The following CIB1 variants were observed in gnomAD, a reference collection of about 807,000 sequenced individuals.
The protein encoded by CIB1 is calcium and integrin-binding protein 1.
In CIB1, 19 loss-of-function variants were observed where a neutral mutation model predicts 25.0. That is an observed-to-expected ratio of 0.76 (90% CI 0.53 to 1.12). The LOEUF (loss-of-function observed/expected upper bound fraction) is 1.12. CIB1 is among the 50% of genes most tolerant of loss of function. The pLI, the probability that CIB1 is intolerant of heterozygous loss-of-function variation, is 0.00. For synonymous variants in CIB1, 104 were observed against 98.5 expected (o/e 1.06, Z -0.33); for missense variants, 236 against 242.6 (o/e 0.97, Z 0.18).
the CIB1 span, chr15:90,241,629 G>A: frequency 1.2e-6 from 2 of 1,614,156 alleles, no homozygotes; most frequent in East Asian, 2.2e-5. Flanking sequence ...CCTGGACCCT[G>A]GAGGCCATTT....
the CIB1 span, chr15:90,262,272 G>A: frequency 5.8e-6 from 8 of 1,369,174 alleles, no homozygotes; most frequent in East Asian, 5.1e-5. Context: ...AGGGAAAGAG[G>A]AAGCCAGACA....
the CIB1 span, chr15:90,263,219 A>C: frequency 4.3e-4 from 561 of 1,313,418 alleles, no homozygotes; most frequent in Non-Finnish European, 5.2e-4. Context: ...TGTTGGTCTC[A>C]ACAAAGGAGG....
the CIB1 span, chr15:90,262,997 C>A: frequency 6.5e-7 from 1 of 1,536,012 alleles, no homozygotes; most frequent in Non-Finnish European, 8.7e-7. Flanking sequence ...ACCATGAGGC[C>A]TCAAGAAATT....
chr15:90,265,454 T>A, the CIB1 span: 1 of 1,336,654 alleles, frequency 7.5e-7, no homozygotes, highest in Non-Finnish European at 9.6e-7. Context: ...AATCCGTACT[T>A]TAATTAAAGT....
intron 2 of CIB1, 43 bp from the exon 3 acceptor site, chr15:90,232,370 C>A: frequency 6.4e-7 from 1 of 1,566,066 alleles, no homozygotes; most frequent in South Asian, 1.2e-5. Flanking sequence ...AGCGATCGGT[C>A]TCCCTGTGTG....
the CIB1 span, chr15:90,241,240 C>A: frequency 6.2e-7 from 1 of 1,614,158 alleles, no homozygotes; most frequent in Non-Finnish European, 8.5e-7. Context: ...CCCCCGCAGA[C>A]CATCAAGAGT....
At chr15:90,255,858 TC>T in the CIB1 span, 2 of 1,614,084 alleles carry the variant, frequency 1.2e-6, no homozygotes, top group Non-Finnish European at 1.7e-6. Flanking sequence ...TACAACATCT[TC>T]CCCCGCACCT....
the CIB1 span, chr15:90,256,270 T>C: frequency 6.2e-7 from 1 of 1,614,160 alleles, no homozygotes; most frequent in Non-Finnish European, 8.5e-7. Flanking sequence ...CAGGAGAGCA[T>C]ATGATCTGCC....
the CIB1 span, chr15:90,256,144 T>C: frequency 3.3e-5 from 54 of 1,614,168 alleles, no homozygotes; most frequent in South Asian, 5.8e-4. Context: ...CACATAGCTA[T>C]GGGGACTTCC....
At chr15:90,240,351 T>C in the CIB1 span, among the ~76,000 whole-genome samples, 4 of 147,126 alleles carry the variant, frequency 2.7e-5, no homozygotes, top group Non-Finnish European at 6.0e-5. Context: ...CTACTAAAAA[T>C]ACAAAAATTA....
chr15:90,235,581 T>G (rs1216567487), upstream of CIB1, among the ~76,000 whole-genome samples: 3 of 152,102 alleles, frequency 2.0e-5, no homozygotes, highest in African/African-American at 7.2e-5. Flanking sequence ...TTTCTCTTTT[T>G]TTTTGAGACA....
the CIB1 span, among the ~76,000 whole-genome samples, chr15:90,239,635 C>G: frequency 6.6e-6 from 1 of 152,308 alleles, no homozygotes; most frequent in African/African-American, 2.4e-5. Flanking sequence ...CACCGGGCCC[C>G]TCCCACAACA....
At chr15:90,240,778 C>T in the CIB1 span, 1 of 650,626 alleles carries the variant, frequency 1.5e-6, no homozygotes, top group East Asian at 2.8e-5. Context: ...ACTGCCACTG[C>T]ACTCCAGCCT....
the CIB1 span, among the ~76,000 whole-genome samples, chr15:90,247,285 T>G: frequency 6.7e-6 from 1 of 149,650 alleles, no homozygotes; most frequent in Non-Finnish European, 1.5e-5. Context: ...TTTTTTCTTT[T>G]CTTTTCTTTT....
the CIB1 span, chr15:90,263,476 T>A: frequency 2.0e-6 from 1 of 494,964 alleles, no homozygotes; most frequent in Non-Finnish European, 3.6e-6. Context: ...GGCTTCTGTA[T>A]AATTTTCTCC....
the CIB1 span, chr15:90,262,241 G>A: frequency 2.1e-6 from 3 of 1,454,362 alleles, no homozygotes; most frequent in Non-Finnish European, 1.8e-6. Context: ...GACAAGTCCT[G>A]AAGCTGCATT....
chr15:90,244,863 G>A, the CIB1 span: 1 of 152,162 alleles, frequency 6.6e-6, no homozygotes. Flanking sequence ...TCTCAACAGA[G>A]ATTATCACCG....
chr15:90,240,847 A>G, the CIB1 span: 647 of 1,086,684 alleles, frequency 6.0e-4, 1 homozygote, highest in Non-Finnish European at 5.9e-4. Flanking sequence ...TACAATGACA[A>G]TCTCTGGAGG....
chr15:90,231,297 G>A, intron 4 of CIB1, 60 bp downstream of exon 4: 1 of 1,608,624 alleles, frequency 6.2e-7, no homozygotes, highest in Middle Eastern at 1.7e-4. Flanking sequence ...CCCAAGCAGG[G>A]CCACCACAAA....
Sources: allele counts gnomAD v4.1 joint callset (sites outside exome capture counted in the v4.1 genomes callset), GRCh38; gene constraint gnomAD v4.1.1; transcripts MANE v1.5; gene names NCBI Gene and HGNC (gene_info 2026-07-23, HGNC 2026-07-21).